The following HERC4 variants were observed in gnomAD, a reference collection of about 807,000 sequenced individuals.
The protein encoded by HERC4 is probable E3 ubiquitin-protein ligase HERC4.
In HERC4, 28 loss-of-function variants were observed where a neutral mutation model predicts 124.3. The observed-to-expected ratio is 0.23, with a 90% CI of 0.17 to 0.31. The LOEUF (loss-of-function observed/expected upper bound fraction) is 0.31. Ranked by LOEUF, HERC4 falls within the 10% of genes least tolerant of loss-of-function variation. HERC4 has a pLI of 1.00. For synonymous variants in HERC4, 407 were observed against 421.5 expected (o/e 0.97, Z 0.42); for missense variants, 713 against 1,229.3 (o/e 0.58, Z 6.28).
At chr10:67,983,727 C>T (rs934451680) in intron 15 of HERC4, among the ~76,000 whole-genome samples, 1 of 143,560 alleles carries the variant, frequency 7.0e-6, no homozygotes, top group Non-Finnish European at 1.5e-5. Context: ...GCGGAGCTTG[C>T]AGTGAGCCAA....
chr10:67,978,471 C>T lies in HERC4; in HGVS notation c.1806+10192G>A, dbSNP rs180862160. 1.0e-3 allele frequency among the ~76,000 whole-genome samples: 155 copies of T among 152,332 alleles called. 1 individual carries two copies. The highest frequency in any genetic ancestry group is 3.5e-3 in the African/African-American group (147 of 41,572). On this transcript the variant is annotated intron_variant, in intron 15 of 24. Transcript: ENST00000373700. Reference sequence around the variant, plus strand: ...GCAGTACAACAGAACACCAGGTAGACGTCTAAGGTTTTTCACTCTAGTCCC... The same window carrying T: ...GCAGTACAACAGAACACCAGGTAGATGTCTAAGGTTTTTCACTCTAGTCCC...
intron 3 of HERC4, chr10:68,069,400 T>C (rs1046196135): frequency 2.3e-5 from 23 of 985,290 alleles, no homozygotes; most frequent in Non-Finnish European, 2.5e-5. Flanking sequence ...CCAGTAGTGA[T>C]AGAAAAGGAC....
intron 6 of HERC4, among the ~76,000 whole-genome samples, chr10:68,033,708 A>T (rs2039323279): frequency 6.6e-6 from 1 of 152,208 alleles, no homozygotes; most frequent in South Asian, 2.1e-4. Context: ...ATTTGAAGTA[A>T]TGTTTTTCAA....
At position 68,059,614 on chromosome 10, in the gene HERC4, TCA is replaced by T. The variant is rs1491473294; in HGVS notation, c.226+13267_226+13268del. Among the ~76,000 whole-genome samples the T allele has an allele frequency of 1.0e-4, 9 of 86,166 alleles. 1 individual carries two copies. Among genetic ancestry groups the T allele is most frequent in the African/African-American group, 5.3e-4 (8 of 15,188 alleles). The allele number at this position is 86,166 out of a possible 152,430, so 56.5% of individuals were successfully genotyped here. A position where few individuals can be genotyped will look rare whatever the true frequency, so the allele number is the denominator to read the frequency against. On this transcript the variant is annotated intron_variant, in intron 3 of 24. Coordinates refer to ENST00000373700, the MANE Select transcript of HERC4 (RefSeq NM_015601.4). ...ATATTATATATCATAATATTATATA[TCA>T]TAATATTATATATCATAATATTATA... is the stretch of plus-strand genomic sequence containing the variant.
chr10:67,977,316 G>A (rs1448249627), intron 15 of HERC4, among the ~76,000 whole-genome samples: 1 of 152,156 alleles, frequency 6.6e-6, no homozygotes, highest in African/African-American at 2.4e-5. Flanking sequence ...TGGCCAGAAG[G>A]GAACCCACTG....
At chr10:67,962,534 T>C (rs751157681) in intron 16 of HERC4, among the ~76,000 whole-genome samples, 15 of 151,946 alleles carry the variant, frequency 9.9e-5, no homozygotes, top group Non-Finnish European at 1.8e-4. Context: ...TGAAAAATAA[T>C]AGGACGTGAA....
chr10:68,059,512 T>TA, intron 3 of HERC4, among the ~76,000 whole-genome samples: 1 of 120,010 alleles, frequency 8.3e-6, no homozygotes, highest in East Asian at 3.0e-4. Context: ...ATTATAATAT[T>TA]ATATATCATA....
At chr10:67,986,995 CTATA>C (rs937943550) in intron 15 of HERC4, among the ~76,000 whole-genome samples, 2 of 152,080 alleles carry the variant, frequency 1.3e-5, no homozygotes, top group African/African-American at 4.8e-5. Context: ...AAAATACCGA[CTATA>C]TAGGGTTTTA....
chr10:67,962,041 CT>C (rs1272268459), intron 16 of HERC4, among the ~76,000 whole-genome samples: 2 of 151,906 alleles, frequency 1.3e-5, no homozygotes, highest in East Asian at 3.9e-4. Context: ...CCTTGTGGGA[CT>C]TTTTTTGAAA....
At position 67,941,005 on chromosome 10, in the gene HERC4, T is replaced by C; in HGVS notation, c.2438A>G (p.Tyr813Cys). The C allele has an allele frequency of 6.2e-7, 1 of 1,612,720 alleles. No homozygotes were observed. Among genetic ancestry groups the C allele is most frequent in the Non-Finnish European group, 8.5e-7 (1 of 1,179,548 alleles). Residue 813 changes from tyrosine to cysteine, a missense_variant, in exon 20 of 25, where the codon TAT (tyrosine) becomes TGT (cysteine). Physicochemically the swap from Tyr to Cys is radical, Grantham distance 194. Transcript: ENST00000373700. The stretch of plus-strand genomic sequence containing the variant: ...TGGCTTCTTTTTCAGTAGTTTCTTA[T>C]ATAAAGCCAAAGGAAAATGGAGGTC... The part of the protein sequence containing the change: ...IVDLHFPLAL[Y>C]KKLLKKKPSL...
intron 9 of HERC4, among the ~76,000 whole-genome samples, chr10:68,006,206 C>T (rs2037538555): frequency 6.6e-6 from 1 of 152,110 alleles, no homozygotes; most frequent in Non-Finnish European, 1.5e-5. Context: ...GAGTAGTGCG[C>T]ACACCACAAT....
chr10:67,959,167 C>G (rs371864078), intron 16 of HERC4: 1 of 1,563,096 alleles, frequency 6.4e-7, no homozygotes, highest in Non-Finnish European at 8.7e-7. Context: ...ATAACAATAA[C>G]GAGGAAAGAG....
intron 7 of HERC4, among the ~76,000 whole-genome samples, chr10:68,031,623 A>G (rs1218812881): frequency 6.6e-6 from 1 of 152,230 alleles, no homozygotes; most frequent in East Asian, 1.9e-4. Context: ...ATTAACTTTC[A>G]TAATTGGTCA....
chr10:68,037,007 T>C (rs1234558797), intron 5 of HERC4, among the ~76,000 whole-genome samples: 1 of 152,072 alleles, frequency 6.6e-6, no homozygotes, highest in Non-Finnish European at 1.5e-5. Flanking sequence ...TGCTTCCCCA[T>C]GGTTCCTAGT....
At chr10:68,008,672 C>T (rs191426125) in intron 9 of HERC4, among the ~76,000 whole-genome samples, 19 of 152,226 alleles carry the variant, frequency 1.2e-4, no homozygotes, top group African/African-American at 3.9e-4. Context: ...AATTAACACT[C>T]CTGTATATAC....
intron 19 of HERC4, among the ~76,000 whole-genome samples, chr10:67,943,625 C>T (rs1358823585): frequency 6.6e-6 from 1 of 152,084 alleles, no homozygotes; most frequent in Non-Finnish European, 1.5e-5. Context: ...AGAGCCTGAA[C>T]CAGAGGGTCT....
rs540750472 is a variant in HERC4 at position 67,999,563 on chromosome 10, GT to G, written c.1070-6882del. ...ATCTCTCTTACATAACTTTCAAAACGTAGCAGTGAAGTACATTAGGATTCCT... is the reference window on the plus strand; with the variant it reads ...ATCTCTCTTACATAACTTTCAAAACGAGCAGTGAAGTACATTAGGATTCCT... On this transcript the variant is annotated intron_variant, in intron 9 of 24. Coordinates refer to ENST00000373700, the MANE Select transcript of HERC4 (RefSeq NM_015601.4). Among the ~76,000 whole-genome samples the G allele has an allele frequency of 2.1e-3, 316 of 152,322 alleles. 4 individuals carry two copies. The highest frequency in any genetic ancestry group is 3.9e-3 in the Admixed American group (59 of 15,302).
At chr10:68,036,849 A>T (rs934894935) in intron 5 of HERC4, among the ~76,000 whole-genome samples, 3 of 152,206 alleles carry the variant, frequency 2.0e-5, no homozygotes, top group Non-Finnish European at 4.4e-5. Context: ...ATCAATTAGA[A>T]ACAATTATAT....
At chr10:67,969,915 CA>C (rs1372387746) in intron 15 of HERC4, among the ~76,000 whole-genome samples, 1 of 152,146 alleles carries the variant, frequency 6.6e-6, no homozygotes, top group Non-Finnish European at 1.5e-5. Context: ...ATCTTGAAAG[CA>C]CTGAGTAACA....
Sources: gnomAD v4.1 joint callset for allele counts (sites outside exome capture counted in the v4.1 genomes callset) on GRCh38, gnomAD v4.1.1 for gene constraint, MANE v1.5 for transcripts, NCBI Gene and HGNC (gene_info 2026-07-23, HGNC 2026-07-21) for gene names.